Variants in SLC60A2 observed in about 807,000 individuals in gnomAD.
SLC60A2 encodes the protein solute carrier family 60 member 2.
the SLC60A2 span, chr6:111,271,131 A>G: frequency 7.2e-6 from 1 of 139,182 alleles, no homozygotes; most frequent in African/African-American, 2.7e-5. Flanking sequence ...TGGCGCCACT[A>G]CACTCCAGCC....
chr6:111,263,774 C>T, the SLC60A2 span: 2 of 908,176 alleles, frequency 2.2e-6, no homozygotes, highest in Non-Finnish European at 3.6e-6. Context: ...ATGATATTGA[C>T]TTGATCCATG....
chr6:111,267,309 C>T, the SLC60A2 span: 1 of 551,396 alleles, frequency 1.8e-6, no homozygotes, highest in Non-Finnish European at 3.2e-6. Flanking sequence ...CAAATGGTCT[C>T]ATACACGTAC....
the SLC60A2 span, chr6:111,266,208 G>A: frequency 7.4e-6 from 12 of 1,613,084 alleles, no homozygotes; most frequent in Non-Finnish European, 1.0e-5. Context: ...AAAAGCAAGA[G>A]CATCTGCTGA....
At chr6:111,276,074 A>G in the SLC60A2 span, among the ~76,000 whole-genome samples, 1 of 152,228 alleles carries the variant, frequency 6.6e-6, no homozygotes, top group African/African-American at 2.4e-5. Context: ...TAATGTCTTC[A>G]AGGATCATCC....
chr6:111,277,118 A>G, the SLC60A2 span, among the ~76,000 whole-genome samples: 1 of 152,244 alleles, frequency 6.6e-6, no homozygotes, highest in African/African-American at 2.4e-5. Flanking sequence ...ACCACTCTGC[A>G]TGCAGGAGCT....
At chr6:111,265,739 C>T in the SLC60A2 span, 15 of 682,420 alleles carry the variant, frequency 2.2e-5, no homozygotes, top group African/African-American at 2.7e-4. Flanking sequence ...GATTTAGTTG[C>T]AATGTTTGAT....
At chr6:111,271,045 A>C in the SLC60A2 span, 6 of 150,848 alleles carry the variant, frequency 4.0e-5, no homozygotes, top group African/African-American at 1.5e-4. Flanking sequence ...TTCTGTCACT[A>C]TTTTATGTCC....
chr6:111,263,345 A>G, the SLC60A2 span, among the ~76,000 whole-genome samples: 1 of 152,232 alleles, frequency 6.6e-6, no homozygotes, highest in Non-Finnish European at 1.5e-5. Flanking sequence ...TAAGGAATTA[A>G]TAAATAATCC....
chr6:111,276,598 G>A, the SLC60A2 span, among the ~76,000 whole-genome samples: 1 of 152,176 alleles, frequency 6.6e-6, no homozygotes, highest in Non-Finnish European at 1.5e-5. Flanking sequence ...CTGCATGTGA[G>A]GCTCTGTAGA....
the SLC60A2 span, chr6:111,270,071 G>C: frequency 1.4e-5 from 2 of 147,890 alleles, no homozygotes; most frequent in South Asian, 4.2e-4. Context: ...CTTGCTGACT[G>C]TCAGCTGGGC....
At chr6:111,263,922 G>A in the SLC60A2 span, 3 of 1,599,196 alleles carry the variant, frequency 1.9e-6, no homozygotes, top group South Asian at 1.1e-5. Flanking sequence ...TATCTTCGGT[G>A]TTTCAATTGG....
the SLC60A2 span, among the ~76,000 whole-genome samples, chr6:111,260,765 T>C: frequency 6.6e-6 from 1 of 152,160 alleles, no homozygotes; most frequent in Non-Finnish European, 1.5e-5. Context: ...AAGAAAGAAA[T>C]CACTTCAGAC....
the SLC60A2 span, chr6:111,265,895 G>C: frequency 2.5e-6 from 4 of 1,609,196 alleles, no homozygotes; most frequent in Non-Finnish European, 3.4e-6. Flanking sequence ...TCCTTATCTT[G>C]GCTATTTGGG....
the SLC60A2 span, among the ~76,000 whole-genome samples, chr6:111,277,298 A>G: frequency 2.0e-5 from 3 of 152,166 alleles, no homozygotes; most frequent in East Asian, 5.8e-4. Flanking sequence ...CAAATTGCAG[A>G]CTTTTTTGGA....
the SLC60A2 span, among the ~76,000 whole-genome samples, chr6:111,276,515 G>A: frequency 2.0e-5 from 3 of 152,114 alleles, no homozygotes; most frequent in South Asian, 6.2e-4. Context: ...GTTATGTTGG[G>A]CAACTACCTC....
chr6:111,259,592 G>A, the SLC60A2 span: 7 of 1,247,524 alleles, frequency 5.6e-6, no homozygotes, highest in South Asian at 3.0e-5. Context: ...CGGGGCAGCG[G>A]CTCCTGCAGG....
the SLC60A2 span, among the ~76,000 whole-genome samples, chr6:111,260,929 C>T: frequency 1.3e-5 from 2 of 152,152 alleles, no homozygotes; most frequent in Non-Finnish European, 2.9e-5. Flanking sequence ...TGGACTGTTA[C>T]GAGTTGGGCA....
the SLC60A2 span, chr6:111,266,007 T>C: frequency 3.1e-6 from 5 of 1,614,218 alleles, no homozygotes; most frequent in South Asian, 5.5e-5. Context: ...TCCGACAGCG[T>C]CTGCTGAAAA....
chr6:111,273,286 A>G, the SLC60A2 span, among the ~76,000 whole-genome samples: 2 of 152,160 alleles, frequency 1.3e-5, no homozygotes, highest in East Asian at 3.9e-4. Flanking sequence ...AGCAACTAGG[A>G]TTACAGGTGT....
Sources: allele counts gnomAD v4.1 joint callset (sites outside exome capture counted in the v4.1 genomes callset), GRCh38; gene constraint gnomAD v4.1.1; transcripts MANE v1.5; gene names NCBI Gene and HGNC (gene_info 2026-07-23, HGNC 2026-07-21).